Variants in BLK observed in about 807,000 individuals in gnomAD.
BLK encodes the protein tyrosine-protein kinase Blk.
In BLK, 64 loss-of-function variants were observed where a neutral mutation model predicts 61.8. The ratio of observed to expected loss-of-function variants is 1.03; its 90% CI spans 0.85 to 1.27. The LOEUF (loss-of-function observed/expected upper bound fraction) is 1.27, where lower values mean the gene tolerates loss of function less well. Ranked by LOEUF, BLK falls within the 50% of genes most tolerant of loss-of-function variation. BLK has a pLI of 0.00. For synonymous variants in BLK, 351 were observed against 272.0 expected, an observed-to-expected ratio of 1.29 and a Z score of -2.86; for missense variants, 853 against 660.5, an observed-to-expected ratio of 1.29 and a Z score of -3.19.
intron 1 of BLK, among the ~76,000 whole-genome samples, chr8:11,513,657 C>G (rs1469544773): frequency 6.6e-6 from 1 of 152,210 alleles, no homozygotes; most frequent in African/African-American, 2.4e-5. Flanking sequence ...GCACCTTGGG[C>G]TGCAAAATTC....
intron 1 of BLK, among the ~76,000 whole-genome samples, chr8:11,523,018 G>A (rs916904885): frequency 6.6e-6 from 1 of 150,588 alleles, no homozygotes; most frequent in Admixed American, 6.7e-5. Context: ...ACCAAAATAT[G>A]AATATCTGTT....
At chr8:11,538,987 T>C (rs924958359) in intron 1 of BLK, among the ~76,000 whole-genome samples, 1 of 152,154 alleles carries the variant, frequency 6.6e-6, no homozygotes. Flanking sequence ...CAAAGTCACA[T>C]GAAGTCTTAT....
intron 1 of BLK, among the ~76,000 whole-genome samples, chr8:11,502,813 C>T (rs997402193): frequency 2.6e-5 from 4 of 152,014 alleles, no homozygotes; most frequent in Admixed American, 6.6e-5. Flanking sequence ...TCCTGAGTCC[C>T]GAGCCTGACA....
At chr8:11,500,059 TA>T (rs368124797) in intron 1 of BLK, among the ~76,000 whole-genome samples, 87 of 152,354 alleles carry the variant, frequency 5.7e-4, no homozygotes, top group African/African-American at 1.8e-3. Flanking sequence ...ATTAGTTCCC[TA>T]TCTGTGTACA....
chr8:11,555,672 G>A, intron 8 of BLK, 188 bp downstream of exon 8: 2 of 914,098 alleles, frequency 2.2e-6, no homozygotes, highest in South Asian at 1.5e-5. Flanking sequence ...TGTAACAGCT[G>A]GGACCGCTTA....
chr8:11,563,876 C>G, intron 12 of BLK, 27 bp from the exon 13 acceptor site: 1 of 1,598,810 alleles, frequency 6.3e-7, no homozygotes, highest in Non-Finnish European at 8.5e-7. Context: ...AGCCCCTCAC[C>G]CCCGCTTGCG....
At chr8:11,550,753 T>C (rs1394246023) in intron 6 of BLK, among the ~76,000 whole-genome samples, 1 of 152,218 alleles carries the variant, frequency 6.6e-6, no homozygotes, top group Non-Finnish European at 1.5e-5. Flanking sequence ...CACTCATGAG[T>C]TCAAATCCAC....
At chr8:11,535,536 G>C (rs978784768) in intron 1 of BLK, among the ~76,000 whole-genome samples, 1 of 152,178 alleles carries the variant, frequency 6.6e-6, no homozygotes, top group African/African-American at 2.4e-5. Flanking sequence ...TTTTTTTCTA[G>C]TGTTCCCAGT....
intron 1 of BLK, among the ~76,000 whole-genome samples, chr8:11,535,244 G>T (rs1417051504): frequency 8.0e-6 from 1 of 124,786 alleles, no homozygotes; most frequent in East Asian, 2.3e-4. Flanking sequence ...AGAAAAGAAG[G>T]AAAGGAAAGA....
chr8:11,561,141 G>T, intron 10 of BLK, 161 bp from the exon 11 acceptor site: 1 of 1,029,048 alleles, frequency 9.7e-7, no homozygotes, highest in Non-Finnish European at 1.5e-6. Context: ...TCTAGGAGAG[G>T]AGTTTATTCG....
At chr8:11,499,388 C>T (rs776837820) in intron 1 of BLK, among the ~76,000 whole-genome samples, 3 of 152,176 alleles carry the variant, frequency 2.0e-5, no homozygotes, top group Admixed American at 6.5e-5. Context: ...TGAAGCAATA[C>T]GTAACTATAT....
intron 1 of BLK, among the ~76,000 whole-genome samples, chr8:11,525,562 A>T (rs1056327445): frequency 9.2e-5 from 14 of 152,134 alleles, no homozygotes; most frequent in Non-Finnish European, 1.8e-4. Context: ...CCTTTTACTA[A>T]TTTATTTACC....
At chr8:11,505,385 A>T (rs1376073495) in intron 1 of BLK, among the ~76,000 whole-genome samples, 1 of 152,124 alleles carries the variant, frequency 6.6e-6, no homozygotes, top group Non-Finnish European at 1.5e-5. Flanking sequence ...CGCTCCCTCC[A>T]CCCCTTGTCC....
At chr8:11,559,701 C>G (rs1801397766) in intron 10 of BLK, 1 of 454,660 alleles carries the variant, frequency 2.2e-6, no homozygotes, top group Admixed American at 2.4e-5. Flanking sequence ...CCCCACTTTG[C>G]AGCCAGATGC....
intron 1 of BLK, among the ~76,000 whole-genome samples, chr8:11,537,772 C>T (rs1322561182): frequency 6.6e-6 from 1 of 152,216 alleles, no homozygotes; most frequent in Non-Finnish European, 1.5e-5. Context: ...AAGTGCTTTT[C>T]AACCATGTCA....
intron 4 of BLK, among the ~76,000 whole-genome samples, chr8:11,548,615 A>T (rs566125346): frequency 9.7e-4 from 147 of 152,282 alleles, no homozygotes; most frequent in South Asian, 2.5e-3. Context: ...TGGAGCTCTG[A>T]GGGTCTGATT....
chr8:11,510,726 C>T (rs1468456646), intron 1 of BLK, among the ~76,000 whole-genome samples: 1 of 151,820 alleles, frequency 6.6e-6, no homozygotes, highest in Non-Finnish European at 1.5e-5. Context: ...TATATTATCC[C>T]CGGGATAGCG....
chr8:11,517,684 G>T (rs941243777), intron 1 of BLK, among the ~76,000 whole-genome samples: 1 of 152,198 alleles, frequency 6.6e-6, no homozygotes, highest in African/African-American at 2.4e-5. Context: ...CAAGGCAGGG[G>T]ACGGCTTCAG....
chr8:11,538,153 C>T (rs1384302799), intron 1 of BLK, among the ~76,000 whole-genome samples: 1 of 152,216 alleles, frequency 6.6e-6, no homozygotes, highest in African/African-American at 2.4e-5. Flanking sequence ...CGCTCTCACA[C>T]ACACACAAGT....
Sources: allele counts gnomAD v4.1 joint callset (sites outside exome capture counted in the v4.1 genomes callset), GRCh38; gene constraint gnomAD v4.1.1; transcripts MANE v1.5; gene names NCBI Gene and HGNC (gene_info 2026-07-23, HGNC 2026-07-21).